DENND1A: variants seen among roughly 807,000 people sequenced by gnomAD.
The protein encoded by DENND1A is DENN domain-containing protein 1A.
DENND1A carries 51 observed loss-of-function variants against 113.7 expected under a neutral mutation model. That is an observed-to-expected ratio of 0.45 (90% confidence interval 0.36 to 0.57). The LOEUF is 0.57. DENND1A is among the 20% of genes least tolerant of loss of function. The pLI is 0.00. For synonymous variants in DENND1A, 565 were observed against 570.8 expected, an observed-to-expected ratio of 0.99 and a Z score of 0.14; for missense variants, 1,258 against 1,395.9, an observed-to-expected ratio of 0.90 and a Z score of 1.57.
At chr9:123,602,107 G>A (rs550456509) in intron 11 of DENND1A, among the ~76,000 whole-genome samples, 2 of 152,210 alleles carry the variant, frequency 1.3e-5, no homozygotes, top group African/African-American at 2.4e-5. Context: ...ATCTGAGGGG[G>A]ATTGGTTCCA....
chr9:123,904,665 A>G (rs1172949970), intron 1 of DENND1A, among the ~76,000 whole-genome samples: 1 of 150,636 alleles, frequency 6.6e-6, no homozygotes, highest in Non-Finnish European at 1.5e-5. Flanking sequence ...GAGAAAAAAG[A>G]ATAAAAAGAA....
rs140240579 is a variant in DENND1A, at chr9:123,823,014, T to C, written c.89-30384A>G. On this transcript the variant is annotated intron_variant, in intron 2 of 23. Coordinates refer to ENST00000394215, the MANE Select transcript of DENND1A (RefSeq NM_001352964.2). ...CAATTTAAGTCTCACATCAACTCTA[T>C]GAGGCAAGTAATGCTCATTTATTTA... Among the ~76,000 whole-genome samples, 664 of 152,324 alleles carry C rather than the reference T, an allele frequency of 4.4e-3. 4 individuals carry two copies. Among genetic ancestry groups the C allele is most frequent in the African/African-American group, 0.015 (628 of 41,574 alleles).
intron 5 of DENND1A, among the ~76,000 whole-genome samples, chr9:123,694,932 G>C (rs1448076525): frequency 6.6e-6 from 1 of 152,214 alleles, no homozygotes; most frequent in African/African-American, 2.4e-5. Context: ...ATTTGAATCA[G>C]TGGGCTGGGG....
At chr9:123,863,156 C>A (rs1000230165) in intron 2 of DENND1A, among the ~76,000 whole-genome samples, 2 of 152,132 alleles carry the variant, frequency 1.3e-5, no homozygotes, top group Non-Finnish European at 1.5e-5. Flanking sequence ...CCATGCATAA[C>A]CAAGGCACCG....
chr9:123,396,932 G>A, intron 21 of DENND1A, among the ~76,000 whole-genome samples: 1 of 152,178 alleles, frequency 6.6e-6, no homozygotes, highest in Non-Finnish European at 1.5e-5. Context: ...CTTACAACTG[G>A]TTAAGGGTAA....
At chr9:123,431,258 ACT>A (rs1344735914) in intron 19 of DENND1A, among the ~76,000 whole-genome samples, 1 of 151,788 alleles carries the variant, frequency 6.6e-6, no homozygotes, top group Non-Finnish European at 1.5e-5. Flanking sequence ...CCTGCATTCT[ACT>A]CTCTCACACA....
chr9:123,430,466 T>C (rs1364327070), intron 19 of DENND1A, among the ~76,000 whole-genome samples: 1 of 151,958 alleles, frequency 6.6e-6, no homozygotes. Context: ...AAAAAGAAAA[T>C]GTACACCATG....
At chr9:123,568,361 T>C (rs1040722416) in intron 12 of DENND1A, among the ~76,000 whole-genome samples, 2 of 152,230 alleles carry the variant, frequency 1.3e-5, no homozygotes, top group South Asian at 2.1e-4. Flanking sequence ...CTTATGTAGA[T>C]TAAATGTCAA....
At chr9:123,888,956 C>CTGTG (rs58270598) in intron 1 of DENND1A, among the ~76,000 whole-genome samples, 7,605 of 131,050 alleles carry the variant, frequency 0.058, 348 homozygotes, top group African/African-American at 0.13. Context: ...GTGCTTTAAA[C>CTGTG]TGTGTGTGTG....
At chr9:123,787,069 T>C (rs938778987) in intron 3 of DENND1A, among the ~76,000 whole-genome samples, 1 of 152,156 alleles carries the variant, frequency 6.6e-6, no homozygotes, top group African/African-American at 2.4e-5. Flanking sequence ...ACCCATGGTT[T>C]AAACAAGCCA....
intron 13 of DENND1A, among the ~76,000 whole-genome samples, chr9:123,471,960 C>T (rs2049462180): frequency 6.6e-6 from 1 of 152,228 alleles, no homozygotes; most frequent in Non-Finnish European, 1.5e-5. Flanking sequence ...CTGTACCGCC[C>T]AGGGGCTCTG....
intron 3 of DENND1A, among the ~76,000 whole-genome samples, chr9:123,781,383 C>G (rs979892731): frequency 6.6e-6 from 1 of 152,168 alleles, no homozygotes; most frequent in Admixed American, 6.5e-5. Flanking sequence ...GTTGTTTCAT[C>G]TGCCTTGTGA....
intron 2 of DENND1A, among the ~76,000 whole-genome samples, chr9:123,820,449 C>T (rs1295843784): frequency 1.3e-5 from 2 of 152,178 alleles, no homozygotes; most frequent in African/African-American, 4.8e-5. Context: ...ATGAAAGGCC[C>T]AGACCAGAGT....
intron 13 of DENND1A, among the ~76,000 whole-genome samples, chr9:123,482,120 CAG>C (rs765898472): frequency 5.1e-4 from 78 of 151,914 alleles, no homozygotes; most frequent in Middle Eastern, 6.9e-3. Context: ...CTTTTTCAGA[CAG>C]AGTCTCGCTC....
Position 123,452,131 on chromosome 9 carries a change from C to T in DENND1A, c.1299+145G>A, listed in dbSNP as rs984004001. The T allele has an allele frequency of 2.3e-5, 16 of 697,764 alleles. No homozygotes were observed. In the South Asian group the frequency reaches 2.7e-4, roughly 12 times the overall value. 43.2% of individuals were successfully genotyped at this position (697,764 alleles called of 1,614,324 possible). The stretch of plus-strand genomic sequence containing the variant: ...ATTGCTTGAGCCCTGGAGGTCAAGG[C>T]CTCAGTGAGCTGTGATTGCACCACT... On this transcript the variant is annotated intron_variant, in intron 17 of 23. Coordinates refer to ENST00000394215, the MANE Select transcript of DENND1A (RefSeq NM_001352964.2).
chr9:123,655,864 A>G (rs935782842), intron 8 of DENND1A, among the ~76,000 whole-genome samples: 1 of 152,146 alleles, frequency 6.6e-6, no homozygotes, highest in Middle Eastern at 3.2e-3. Flanking sequence ...TCTCATTTCT[A>G]TCTCCTATAA....
chr9:123,841,178 C>T (rs75300164), intron 2 of DENND1A, among the ~76,000 whole-genome samples: 809 of 152,244 alleles, frequency 5.3e-3, no homozygotes, highest in Non-Finnish European at 9.5e-3. Context: ...GAGACCCTAC[C>T]GTACACTTTG....
At chr9:123,409,908 A>G (rs1173715559) in intron 20 of DENND1A, among the ~76,000 whole-genome samples, 3 of 152,062 alleles carry the variant, frequency 2.0e-5, no homozygotes, top group Admixed American at 6.6e-5. Flanking sequence ...TGGCTAACAC[A>G]GTGAAACCCC....
At chr9:123,587,552 C>T (rs954190591) in intron 11 of DENND1A, among the ~76,000 whole-genome samples, 1 of 152,180 alleles carries the variant, frequency 6.6e-6, no homozygotes, top group African/African-American at 2.4e-5. Flanking sequence ...CTATCTTATC[C>T]ATATGGACAG....
Sources: allele counts gnomAD v4.1 joint callset (sites outside exome capture counted in the v4.1 genomes callset), GRCh38; gene constraint gnomAD v4.1.1; transcripts MANE v1.5; gene names NCBI Gene and HGNC (gene_info 2026-07-23, HGNC 2026-07-21).